The following GABBR2 variants were observed in gnomAD, a reference collection of about 807,000 sequenced individuals.
GABBR2 encodes the protein G-protein coupled receptor 51.
A neutral mutation model predicts 105.6 loss-of-function variants in GABBR2; 23 were observed. The ratio of observed to expected loss-of-function variants is 0.22; its 90% CI spans 0.16 to 0.31. The LOEUF (loss-of-function observed/expected upper bound fraction) is 0.31, where lower values mean the gene tolerates loss of function less well. GABBR2 is among the 10% of genes least tolerant of loss of function. The pLI, the probability that GABBR2 is intolerant of heterozygous loss-of-function variation, is 1.00. For missense variants in GABBR2, 734 were observed against 1,245.5 expected (o/e 0.59, Z 6.18); for synonymous variants, 478 against 499.7 (o/e 0.96, Z 0.58).
chr9:98,347,376 T>C (rs1831319904), intron 13 of GABBR2, among the ~76,000 whole-genome samples: 1 of 152,248 alleles, frequency 6.6e-6, no homozygotes, highest in Non-Finnish European at 1.5e-5. Context: ...TTTGTATGTC[T>C]TCTTTTGAGA....
rs117556082 is a variant in GABBR2 at position 98,373,143 on chromosome 9, A to G, written c.1663-1572T>C. Among the ~76,000 whole-genome samples, 1,459 of 152,214 alleles carry G rather than the reference A, an allele frequency of 9.6e-3. 7 individuals are homozygous for G. Among genetic ancestry groups the G allele is most frequent in the South Asian group, 0.029 (139 of 4,816 alleles). On this transcript the variant is annotated intron_variant, in intron 11 of 18. Coordinates refer to ENST00000259455, the MANE Select transcript of GABBR2 (RefSeq NM_005458.8). ...GCCAATGATAGAGAATTTAGACCTG[A>G]GCATATTCAATGAACAGATAATACA...
chr9:98,526,250 C>A (rs1404195158), intron 3 of GABBR2, among the ~76,000 whole-genome samples: 2 of 152,078 alleles, frequency 1.3e-5, no homozygotes, highest in Non-Finnish European at 2.9e-5. Flanking sequence ...CCTAAAAGAA[C>A]CACAGATCTC....
intron 15 of GABBR2, among the ~76,000 whole-genome samples, chr9:98,305,623 T>A (rs1830538771): frequency 6.6e-6 from 1 of 152,178 alleles, no homozygotes; most frequent in Non-Finnish European, 1.5e-5. Flanking sequence ...AAGACCAGCT[T>A]GGGCAACATA....
intron 12 of GABBR2, among the ~76,000 whole-genome samples, chr9:98,370,933 CCT>C (rs1376273988): frequency 1.3e-5 from 2 of 152,112 alleles, no homozygotes; most frequent in Admixed American, 1.3e-4. Flanking sequence ...AGGTACCAGC[CCT>C]GTTTCACTCC....
chr9:98,504,949 T>C (rs11789969), intron 3 of GABBR2, among the ~76,000 whole-genome samples: 18,300 of 152,092 alleles, frequency 0.12, 1,795 homozygotes, highest in East Asian at 0.51. Context: ...CCTGGAGAGG[T>C]GTAGACCAAA....
chr9:98,486,766 C>CT (rs1827061800), intron 4 of GABBR2, among the ~76,000 whole-genome samples: 5 of 152,204 alleles, frequency 3.3e-5, no homozygotes, highest in Admixed American at 3.3e-4. Context: ...CTTCGGAAGC[C>CT]CAGGCCAGTC....
intron 1 of GABBR2, among the ~76,000 whole-genome samples, chr9:98,605,288 A>G (rs1465134774): frequency 2.0e-5 from 3 of 152,236 alleles, no homozygotes. Context: ...CAAGGGGAGC[A>G]CAGCTCTCAG....
chr9:98,492,500 A>G (rs1177584718), intron 4 of GABBR2, among the ~76,000 whole-genome samples: 1 of 152,090 alleles, frequency 6.6e-6, no homozygotes, highest in Non-Finnish European at 1.5e-5. Flanking sequence ...ACAATGAATA[A>G]ATATTGATGT....
intron 8 of GABBR2, among the ~76,000 whole-genome samples, chr9:98,398,081 T>C (rs1832325876): frequency 1.3e-5 from 2 of 152,186 alleles, no homozygotes; most frequent in South Asian, 4.1e-4. Flanking sequence ...TATATGTGGA[T>C]ATGTCTATAT....
intron 7 of GABBR2, among the ~76,000 whole-genome samples, chr9:98,416,365 G>C (rs1178361927): frequency 6.6e-6 from 1 of 152,248 alleles, no homozygotes; most frequent in African/African-American, 2.4e-5. Context: ...TAGCTGGAGA[G>C]AAGGGGCTTG....
chr9:98,430,832 G>A (rs894927673), intron 7 of GABBR2, among the ~76,000 whole-genome samples: 5 of 151,976 alleles, frequency 3.3e-5, no homozygotes, highest in Admixed American at 1.3e-4. Flanking sequence ...TCATCTGGGC[G>A]ATTGTAAGAT....
intron 1 of GABBR2, among the ~76,000 whole-genome samples, chr9:98,591,373 G>A (rs570104719): frequency 8.5e-5 from 13 of 152,316 alleles, no homozygotes; most frequent in Middle Eastern, 3.4e-3. Context: ...GAGCCAGTGC[G>A]TCGGGAACAC....
intron 1 of GABBR2, among the ~76,000 whole-genome samples, chr9:98,650,051 A>G (rs1418503177): frequency 6.6e-6 from 1 of 152,182 alleles, no homozygotes; most frequent in East Asian, 1.9e-4. Context: ...CATTCACAAG[A>G]TATGTTACTC....
chr9:98,542,777 A>G (rs778124102), intron 2 of GABBR2, among the ~76,000 whole-genome samples: 6 of 152,244 alleles, frequency 3.9e-5, no homozygotes, highest in East Asian at 1.9e-4. Flanking sequence ...GTCTAATTTT[A>G]TAATGATTTA....
At chr9:98,618,685 C>T (rs1484100618) in intron 1 of GABBR2, among the ~76,000 whole-genome samples, 1 of 152,146 alleles carries the variant, frequency 6.6e-6, no homozygotes, top group Admixed American at 6.5e-5. Flanking sequence ...TCTTGCTCCT[C>T]TCTCTCCAGT....
chr9:98,541,720 A>G (rs767887526), intron 3 of GABBR2, among the ~76,000 whole-genome samples, 153 bp downstream of exon 3: 4 of 152,248 alleles, frequency 2.6e-5, no homozygotes, highest in Non-Finnish European at 5.9e-5. Context: ...TACCAGCTCT[A>G]TTTTGTCAAC....
chr9:98,505,739 T>C (rs540082235), intron 3 of GABBR2, among the ~76,000 whole-genome samples: 24 of 151,372 alleles, frequency 1.6e-4, no homozygotes, highest in Non-Finnish European at 2.8e-4. Flanking sequence ...GAGGGTGGAG[T>C]GATGCATCTG....
intron 7 of GABBR2, among the ~76,000 whole-genome samples, chr9:98,406,695 A>G (rs1832496362): frequency 6.6e-6 from 1 of 152,224 alleles, no homozygotes; most frequent in South Asian, 2.1e-4. Context: ...GGTGCAGCAA[A>G]AAACTAAGCT....
intron 7 of GABBR2, among the ~76,000 whole-genome samples, chr9:98,440,096 C>G (rs1197541050): frequency 2.0e-5 from 3 of 152,160 alleles, no homozygotes; most frequent in Non-Finnish European, 2.9e-5. Context: ...CTCCTAGGGC[C>G]AGTGACTAGC....
Sources: allele counts gnomAD v4.1 joint callset (sites outside exome capture counted in the v4.1 genomes callset), GRCh38; gene constraint gnomAD v4.1.1; transcripts MANE v1.5; gene names NCBI Gene and HGNC (gene_info 2026-07-23, HGNC 2026-07-21).